The following DACH2 variants were observed in gnomAD, a reference collection of about 807,000 sequenced individuals.
DACH2 encodes the protein dachshund homolog 2.
DACH2 carries 17 observed loss-of-function variants against 35.8 expected under a neutral mutation model. The observed-to-expected ratio is 0.48, with a 90% CI of 0.33 to 0.71. The LOEUF (loss-of-function observed/expected upper bound fraction) is 0.71, where lower values mean the gene tolerates loss of function less well. Ranked by LOEUF, DACH2 falls within the 30% of genes least tolerant of loss-of-function variation. The probability of loss-of-function intolerance (pLI) is 0.02; values close to 1 mark genes in which losing one functional copy is unlikely to be tolerated. For missense variants in DACH2, 469 were observed against 472.7 expected (o/e 0.99, Z 0.07); for synonymous variants, 195 against 177.3 (o/e 1.10, Z -0.79).
intron 3 of DACH2, among the ~76,000 whole-genome samples, chrX:86,583,983 G>A (rs1179586121): frequency 3.6e-5 from 4 of 111,004 alleles, no homozygotes; most frequent in African/African-American, 1.3e-4. Flanking sequence ...TTTCCTAGAA[G>A]AGATTATATA....
intron 1 of DACH2, among the ~76,000 whole-genome samples, chrX:86,212,840 G>A (rs2032478028): frequency 9.0e-6 from 1 of 111,174 alleles, no homozygotes; most frequent in Non-Finnish European, 1.9e-5. Context: ...TTAGTTAAAG[G>A]ATCAAATGGT....
At chrX:86,578,851 G>A (rs2039467812) in intron 3 of DACH2, among the ~76,000 whole-genome samples, 4 of 111,580 alleles carry the variant, frequency 3.6e-5, no homozygotes, top group African/African-American at 1.3e-4. Flanking sequence ...AGTGGATGTA[G>A]CATTTTGTAT....
intron 2 of DACH2, among the ~76,000 whole-genome samples, chrX:86,401,736 A>G (rs1366884242): frequency 9.0e-6 from 1 of 110,742 alleles, no homozygotes; most frequent in East Asian, 2.8e-4. Flanking sequence ...AAAGAAAAAA[A>G]AAAAACTTCA....
At chrX:86,283,162 A>G (rs1195039844) in intron 1 of DACH2, among the ~76,000 whole-genome samples, 1 of 109,257 alleles carries the variant, frequency 9.2e-6, no homozygotes, top group Admixed American at 9.9e-5. Flanking sequence ...AGAAATGCAA[A>G]TCAAAACCAC....
intron 1 of DACH2, among the ~76,000 whole-genome samples, chrX:86,207,944 T>C (rs1292081184): frequency 9.0e-6 from 1 of 111,423 alleles, no homozygotes; most frequent in African/African-American, 3.3e-5. Flanking sequence ...TATTCTACTT[T>C]AGTTTTTAAT....
At chrX:86,237,350 C>T (rs915841149) in intron 1 of DACH2, among the ~76,000 whole-genome samples, 5 of 111,850 alleles carry the variant, frequency 4.5e-5, no homozygotes, top group Non-Finnish European at 9.4e-5. Flanking sequence ...TAACATAGTC[C>T]TTTATTTTAT....
intron 1 of DACH2, among the ~76,000 whole-genome samples, chrX:86,232,989 C>T (rs1479504197): frequency 8.9e-6 from 1 of 111,895 alleles, no homozygotes. Context: ...ACATATACAC[C>T]ATGGAATGCT....
At chrX:86,283,512 A>C (rs190033417) in intron 1 of DACH2, among the ~76,000 whole-genome samples, 1 of 111,484 alleles carries the variant, frequency 9.0e-6, no homozygotes, top group Non-Finnish European at 1.9e-5. Context: ...GATACAGAAA[A>C]TGTGACACAT....
intron 7 of DACH2, among the ~76,000 whole-genome samples, chrX:86,754,126 C>A (rs1944970237): frequency 9.0e-6 from 1 of 111,373 alleles, no homozygotes; most frequent in South Asian, 3.7e-4. Flanking sequence ...AGATTACTAA[C>A]ATTTCCAAAC....
chrX:86,165,484 A>T (rs2030913758), intron 1 of DACH2, among the ~76,000 whole-genome samples: 1 of 111,043 alleles, frequency 9.0e-6, no homozygotes, highest in Admixed American at 9.6e-5. Context: ...CATCCTCACC[A>T]GTATTTATTA....
chrX:86,755,996 C>T (rs1025918665), intron 7 of DACH2, among the ~76,000 whole-genome samples: 2 of 111,142 alleles, frequency 1.8e-5, no homozygotes, highest in Non-Finnish European at 1.9e-5. Context: ...AGAGGATGTC[C>T]TTACCCCAAT....
intron 3 of DACH2, among the ~76,000 whole-genome samples, chrX:86,524,133 T>G (rs1359384194): frequency 1.8e-5 from 2 of 112,405 alleles, no homozygotes; most frequent in Non-Finnish European, 3.8e-5. Context: ...ATGTCAGATT[T>G]CTTTTACTGT....
chrX:86,389,743 C>T (rs752099468), intron 2 of DACH2, among the ~76,000 whole-genome samples: 106 of 111,726 alleles, frequency 9.5e-4, no homozygotes, highest in Non-Finnish European at 1.5e-3. Context: ...TAAAGATAAA[C>T]GATAAACTAC....
intron 1 of DACH2, among the ~76,000 whole-genome samples, chrX:86,217,487 T>A (rs983097483): frequency 6.3e-5 from 7 of 111,828 alleles, no homozygotes; most frequent in Admixed American, 1.9e-4. Context: ...ACTTATTACA[T>A]CTAAATGTTT....
At chrX:86,328,252 C>A (rs1278808353) in intron 1 of DACH2, among the ~76,000 whole-genome samples, 3 of 111,282 alleles carry the variant, frequency 2.7e-5, no homozygotes, top group Non-Finnish European at 5.7e-5. Context: ...TAGATATCTG[C>A]CGTGTATTAA....
intron 1 of DACH2, among the ~76,000 whole-genome samples, chrX:86,325,775 A>C (rs2148042617): frequency 8.9e-6 from 1 of 112,057 alleles, no homozygotes; most frequent in Non-Finnish European, 1.9e-5. Context: ...TTCTGTAATT[A>C]TAACAAGGTG....
chrX:86,278,928 A>C (rs1405208720), intron 1 of DACH2, among the ~76,000 whole-genome samples: 1 of 112,024 alleles, frequency 8.9e-6, no homozygotes, highest in African/African-American at 3.2e-5. Context: ...AGCCTCCAGA[A>C]AGTTTGAAGT....
chrX:86,390,397 C>A (rs2036183159), intron 2 of DACH2, among the ~76,000 whole-genome samples: 1 of 110,615 alleles, frequency 9.0e-6, no homozygotes, highest in Non-Finnish European at 1.9e-5. Context: ...GTGCAGGAAA[C>A]CTTGACCTTG....
At chrX:86,374,784 C>A (rs1369269946) in intron 1 of DACH2, among the ~76,000 whole-genome samples, 1 of 110,431 alleles carries the variant, frequency 9.1e-6, no homozygotes, top group African/African-American at 3.3e-5. Context: ...AGAAGGAATG[C>A]AAAACATTTT....
Sources: gnomAD v4.1 joint callset for allele counts (sites outside exome capture counted in the v4.1 genomes callset) on GRCh38, gnomAD v4.1.1 for gene constraint, MANE v1.5 for transcripts, NCBI Gene and HGNC (gene_info 2026-07-23, HGNC 2026-07-21) for gene names.